RANGAP1: variants seen among roughly 807,000 people sequenced by gnomAD.
RANGAP1 encodes the protein ran GTPase-activating protein 1.
In RANGAP1, 38 loss-of-function variants were observed where a neutral mutation model predicts 63.5. The ratio of observed to expected loss-of-function variants is 0.60; its 90% CI spans 0.46 to 0.78. The LOEUF is 0.78. Among genes scored for constraint, RANGAP1 ranks in the 30% least tolerant of loss-of-function variants. RANGAP1 has a pLI of 0.00. For synonymous variants in RANGAP1, 329 were observed against 310.5 expected (o/e 1.06, Z -0.63); for missense variants, 630 against 740.3 (o/e 0.85, Z 1.73).
chr22:41,259,179 A>G lies in RANGAP1; in HGVS notation c.616-1073T>C, dbSNP rs542165252. 2.0e-4 allele frequency among the ~76,000 whole-genome samples: 31 copies of G among 152,060 alleles called. 1 individual carries two copies. The highest frequency in any genetic ancestry group is 7.2e-4 in the African/African-American group (30 of 41,476). ...CCCATCGGCCCCTGAGCTTTGGAGG[A>G]GAGGGCCATGTCCCAGTCTCCACTG... On this transcript the variant is annotated intron_variant, in intron 6 of 15. Transcript: ENST00000356244.
At chr22:41,278,333 C>G (rs1192269459) in intron 2 of RANGAP1, among the ~76,000 whole-genome samples, 1 of 152,212 alleles carries the variant, frequency 6.6e-6, no homozygotes, top group Non-Finnish European at 1.5e-5. Context: ...GCCACCGCAC[C>G]TGGCCCAAAC....
At chr22:41,260,967 G>C (rs930962786) in intron 6 of RANGAP1, among the ~76,000 whole-genome samples, 2 of 152,198 alleles carry the variant, frequency 1.3e-5, no homozygotes, top group Non-Finnish European at 2.9e-5. Context: ...GATGGGGAGA[G>C]GAGAGTGGAA....
At chr22:41,269,760 G>T (rs2034687667) in intron 3 of RANGAP1, among the ~76,000 whole-genome samples, 1 of 150,372 alleles carries the variant, frequency 6.7e-6, no homozygotes, top group Non-Finnish European at 1.5e-5. Flanking sequence ...AAAAAAAGCT[G>T]GAAGAGAAAA....
intron 15 of RANGAP1, among the ~76,000 whole-genome samples, chr22:41,246,912 G>A (rs1319218124): frequency 6.6e-6 from 1 of 152,220 alleles, no homozygotes; most frequent in Non-Finnish European, 1.5e-5. Context: ...CCCTCAGCCA[G>A]GCTCTCCAAG....
At chr22:41,301,234 G>C in the RANGAP1 span, among the ~76,000 whole-genome samples, 3 of 152,342 alleles carry the variant, frequency 2.0e-5, no homozygotes, top group Admixed American at 6.5e-5. Flanking sequence ...CCGGAGAAGG[G>C]GGGCGGGGGG....
rs141701269 is a variant in RANGAP1, at chr22:41,252,726, C to T, written c.1380+146G>A. The T allele has an allele frequency of 1.0e-3, 959 of 934,094 alleles. 3 individuals carry two copies. In the Middle Eastern group the frequency reaches 0.012, roughly 11 times the overall value. 57.9% of individuals were successfully genotyped at this position (934,094 alleles called of 1,614,324 possible). A position where few individuals can be genotyped will look rare whatever the true frequency, so the allele number is the denominator to read the frequency against. On this transcript the variant is annotated intron_variant, in intron 12 of 15. Coordinates refer to ENST00000356244, the MANE Select transcript of RANGAP1 (RefSeq NM_002883.4). ...GGCTTATAAATACCCTGGACATTTG[C>T]GCGTGTTGTAACAGTGGCAGGCCAA...
the RANGAP1 span, among the ~76,000 whole-genome samples, chr22:41,297,691 T>C: frequency 7.0e-6 from 1 of 143,346 alleles, no homozygotes; most frequent in Non-Finnish European, 1.5e-5. Context: ...CCTGGCTTTT[T>C]TTTTTTTTTT....
chr22:41,252,882 A>G lies in RANGAP1; in HGVS notation c.1370T>C (p.Ile457Thr). Residue 457 changes from isoleucine (I) to threonine (T), a missense_variant, in exon 12 of 16, where the codon ATA becomes ACA. Around this residue, in one of 3 missense-constraint regions of RANGAP1, gnomAD observed 428 missense variants for 465.5 expected, o/e 0.92. Transcript: ENST00000356244. ...AGGGGTGGTTATTACCTGCTGGGCT[A>G]TCAGCACGGAGCTCTTGGGCCCTAG... ...LRLGPKSSVL[I>T]AQQTDTSDPE... The G allele has an allele frequency of 6.4e-7, 1 of 1,573,302 alleles. No individual in the cohort carries two copies. The highest frequency in any genetic ancestry group is 8.6e-7 in the Non-Finnish European group (1 of 1,161,686).
chr22:41,298,147 C>T, the RANGAP1 span, among the ~76,000 whole-genome samples: 3 of 150,402 alleles, frequency 2.0e-5, no homozygotes, highest in South Asian at 2.1e-4. Flanking sequence ...CATGAGCCAC[C>T]GTGCCTGGCC....
rs1187972238 is a variant in RANGAP1, at chr22:41,264,603, A to G, written c.480+61T>C. ...TGGTGGTGGCCAAGGGCCAGGGCAC[A>G]TATGTCAGACGGATGTGGATGGACC... On this transcript the variant is annotated intron_variant, in intron 5 of 15. Transcript: ENST00000356244. The G allele has an allele frequency of 7.1e-6, 11 of 1,544,240 alleles. No homozygotes were observed. The Admixed American group carries it at 7.2e-5, about 10-fold the overall frequency.
At chr22:41,292,627 A>G in the RANGAP1 span, among the ~76,000 whole-genome samples, 2 of 151,154 alleles carry the variant, frequency 1.3e-5, no homozygotes, top group South Asian at 4.2e-4. Context: ...GGCCCCTGTA[A>G]TCCCAGCTAC....
chr22:41,250,908 A>C (rs1244740059), intron 13 of RANGAP1, 99 bp downstream of exon 13: 1 of 963,350 alleles, frequency 1.0e-6, no homozygotes, highest in Non-Finnish European at 1.6e-6. Flanking sequence ...TTCCCATGAG[A>C]GCGCTGGGGC....
At chr22:41,260,017 T>TC (rs2034072894) in intron 6 of RANGAP1, among the ~76,000 whole-genome samples, 1 of 151,728 alleles carries the variant, frequency 6.6e-6, no homozygotes, top group African/African-American at 2.4e-5. Flanking sequence ...ATAAAATTTT[T>TC]TTTTTTTTTG....
the RANGAP1 span, chr22:41,301,678 T>G: frequency 6.6e-6 from 1 of 152,112 alleles, no homozygotes; most frequent in Non-Finnish European, 1.5e-5. Flanking sequence ...TTTACTCTTA[T>G]TATTACTAAT....
chr22:41,266,898 TGAGACGGAG>T (rs1555938571), intron 4 of RANGAP1, among the ~76,000 whole-genome samples: 115 of 150,976 alleles, frequency 7.6e-4, no homozygotes, highest in South Asian at 1.0e-3. Flanking sequence ...CTTTTTTTTT[TGAGACGGAG>T]TCTTGCTTTG....
upstream of RANGAP1, among the ~76,000 whole-genome samples, chr22:41,290,490 A>C (rs1306710394): frequency 4.6e-5 from 7 of 152,064 alleles, no homozygotes; most frequent in Non-Finnish European, 1.0e-4. Context: ...TGGCTTCCCA[A>C]AGTGCTGGGA....
intron 4 of RANGAP1, 52 bp from the exon 5 acceptor site, chr22:41,264,895 T>C: frequency 6.5e-7 from 1 of 1,549,324 alleles, no homozygotes; most frequent in Non-Finnish European, 8.8e-7. Context: ...GCTTCTGTGC[T>C]GGGTGCTGCT....
intron 1 of RANGAP1, 148 bp from the exon 2 acceptor site, chr22:41,281,230 A>G: frequency 1.0e-6 from 1 of 986,896 alleles, no homozygotes; most frequent in Non-Finnish European, 1.4e-6. Flanking sequence ...AAAGGAAAAC[A>G]GCATCAGAGA....
At position 41,261,640 on chromosome 22, in the gene RANGAP1, G is replaced by A. The variant is rs772458132; in HGVS notation, c.481-60C>T. On this transcript the variant is annotated intron_variant, in intron 5 of 15. Coordinates refer to ENST00000356244, the MANE Select transcript of RANGAP1 (RefSeq NM_002883.4). ...AGGAGCCCCTTCTCCCAGCGGGGTG[G>A]CCACTGCTGCTGAACTGCTCTTCAA... 3.2e-5 allele frequency: 51 copies of A among 1,606,870 alleles called. No individual in the cohort carries two copies. In the Middle Eastern group the frequency reaches 1.8e-3, roughly 55 times the overall value.
Sources: gnomAD v4.1 joint callset for allele counts (sites outside exome capture counted in the v4.1 genomes callset) on GRCh38, gnomAD v4.1.1 for gene constraint, gnomAD v4.1.1 regional missense constraint, MANE v1.5 for transcripts, NCBI Gene and HGNC (gene_info 2026-07-23, HGNC 2026-07-21) for gene names.